ANGPT1: variants seen among roughly 807,000 people sequenced by gnomAD.
The protein encoded by ANGPT1 is angiopoietin 1, also known as angiopoietin-1.
Under a neutral mutation model 62.2 loss-of-function variants are expected in ANGPT1, and 17 were observed. The observed-to-expected ratio is 0.27, with a 90% CI of 0.19 to 0.41. The LOEUF is 0.41. Among genes scored for constraint, ANGPT1 ranks in the 10% least tolerant of loss-of-function variants. The pLI is 1.00. For synonymous variants in ANGPT1, 199 were observed against 198.9 expected, an observed-to-expected ratio of 1.00 and a Z score of 0.00; for missense variants, 478 against 594.9, an observed-to-expected ratio of 0.80 and a Z score of 2.04.
intron 3 of ANGPT1, among the ~76,000 whole-genome samples, chr8:107,325,824 G>A (rs73701088): frequency 3.4e-4 from 51 of 151,916 alleles, no homozygotes; most frequent in African/African-American, 1.2e-3. Context: ...GGACATATGC[G>A]CAGAGATAGC....
At chr8:107,348,241 T>C (rs1410878126) in intron 1 of ANGPT1, among the ~76,000 whole-genome samples, 1 of 152,218 alleles carries the variant, frequency 6.6e-6, no homozygotes, top group African/African-American at 2.4e-5. Flanking sequence ...TTAACAGCTA[T>C]GTGATTTTTA....
intron 1 of ANGPT1, among the ~76,000 whole-genome samples, 172 bp from the exon 2 acceptor site, chr8:107,347,269 T>C (rs1263390147): frequency 1.3e-5 from 2 of 152,172 alleles, no homozygotes; most frequent in Non-Finnish European, 1.5e-5. Flanking sequence ...AGGAATCCAG[T>C]TGTCAACAAA....
At chr8:107,309,317 C>T (rs1187746099) in intron 4 of ANGPT1, among the ~76,000 whole-genome samples, 2 of 152,116 alleles carry the variant, frequency 1.3e-5, no homozygotes, top group African/African-American at 2.4e-5. Context: ...TAGAAATTGA[C>T]CCTGAACCTG....
intron 6 of ANGPT1, among the ~76,000 whole-genome samples, chr8:107,292,416 A>C (rs943672948): frequency 6.6e-6 from 1 of 152,210 alleles, no homozygotes; most frequent in African/African-American, 2.4e-5. Context: ...TGAGTACATT[A>C]ATCTTTGTTA....
At chr8:107,313,918 A>C (rs1199423553) in intron 4 of ANGPT1, among the ~76,000 whole-genome samples, 3 of 152,062 alleles carry the variant, frequency 2.0e-5, no homozygotes, top group Non-Finnish European at 4.4e-5. Flanking sequence ...TCTTCACTCT[A>C]TAGTTGATAT....
Position 107,266,080 on chromosome 8 carries a change from T to C in ANGPT1, c.1206-1729A>G, listed in dbSNP as rs566165690. On this transcript the variant is annotated intron_variant, in intron 7 of 8. Coordinates refer to ENST00000517746, the MANE Select transcript of ANGPT1 (RefSeq NM_001146.5). ...TAATGTTGAATTATCACATACAAGC[T>C]TGTATTTTAAAACTCTGAGAGGCAG... Among the ~76,000 whole-genome samples, 47 of 152,304 alleles carry C rather than the reference T, an allele frequency of 3.1e-4. No individual in the cohort carries two copies. The South Asian group carries it at 8.7e-3, about 28-fold the overall frequency.
chr8:107,433,465 G>A (rs981037901), intron 1 of ANGPT1, among the ~76,000 whole-genome samples: 1 of 152,146 alleles, frequency 6.6e-6, no homozygotes, highest in African/African-American at 2.4e-5. Context: ...TATTAATAAA[G>A]AGACATTGAG....
intron 1 of ANGPT1, among the ~76,000 whole-genome samples, chr8:107,398,330 T>C (rs1437259949): frequency 6.6e-6 from 1 of 152,288 alleles, no homozygotes; most frequent in African/African-American, 2.4e-5. Flanking sequence ...GCAAGTCAAT[T>C]TGAAAAATGC....
chr8:107,304,812 A>T (rs1452833587), intron 4 of ANGPT1, among the ~76,000 whole-genome samples: 4 of 151,882 alleles, frequency 2.6e-5, no homozygotes, highest in Non-Finnish European at 5.9e-5. Context: ...TCAAGTCTGC[A>T]CTAATGGTTT....
At chr8:107,457,383 G>C (rs889656833) in intron 1 of ANGPT1, among the ~76,000 whole-genome samples, 4 of 151,968 alleles carry the variant, frequency 2.6e-5, no homozygotes, top group African/African-American at 7.2e-5. Flanking sequence ...TAAGGAATGA[G>C]ATAGTCAACC....
intron 1 of ANGPT1, among the ~76,000 whole-genome samples, chr8:107,368,430 A>G (rs1048577027): frequency 1.3e-5 from 2 of 151,556 alleles, no homozygotes; most frequent in African/African-American, 4.9e-5. Context: ...GGACCCTAGG[A>G]TTTTTGAGTT....
intron 1 of ANGPT1, among the ~76,000 whole-genome samples, chr8:107,429,393 C>T (rs1243636138): frequency 2.0e-5 from 3 of 152,146 alleles, no homozygotes; most frequent in Non-Finnish European, 4.4e-5. Flanking sequence ...CAACTGAAAA[C>T]TTCATCCTTA....
intron 4 of ANGPT1, among the ~76,000 whole-genome samples, chr8:107,313,444 T>TTTG (rs1814930406): frequency 7.8e-6 from 1 of 128,318 alleles, no homozygotes; most frequent in Non-Finnish European, 1.6e-5. Context: ...TTTTTTTTTT[T>TTTG]TTTTTTTTTT....
At chr8:107,379,440 G>A (rs1324905213) in intron 1 of ANGPT1, among the ~76,000 whole-genome samples, 3 of 152,110 alleles carry the variant, frequency 2.0e-5, no homozygotes, top group Non-Finnish European at 4.4e-5. Flanking sequence ...GCCTGAGATA[G>A]AGCAAGCATT....
intron 2 of ANGPT1, 81 bp downstream of exon 2, chr8:107,346,861 G>A: frequency 7.9e-7 from 1 of 1,266,220 alleles, no homozygotes; most frequent in Non-Finnish European, 1.1e-6. Flanking sequence ...GTGCTGAAAT[G>A]TGCTCTGTGT....
chr8:107,428,261 C>G (rs547199114), intron 1 of ANGPT1, among the ~76,000 whole-genome samples: 1 of 152,210 alleles, frequency 6.6e-6, no homozygotes, highest in Non-Finnish European at 1.5e-5. Context: ...TCTCAGTATA[C>G]ATGAATTCAG....
chr8:107,496,067 A>G (rs1813086737), intron 1 of ANGPT1, among the ~76,000 whole-genome samples: 1 of 152,238 alleles, frequency 6.6e-6, no homozygotes, highest in Non-Finnish European at 1.5e-5. Context: ...GTGTGACCAC[A>G]CAGGAACAAA....
intron 6 of ANGPT1, among the ~76,000 whole-genome samples, chr8:107,290,474 T>C (rs1466918462): frequency 6.6e-6 from 1 of 152,098 alleles, no homozygotes; most frequent in East Asian, 1.9e-4. Context: ...GAAATAGAAG[T>C]AGGTGTGATT....
chr8:107,275,187 A>C (rs1813834636), intron 7 of ANGPT1, among the ~76,000 whole-genome samples: 1 of 152,092 alleles, frequency 6.6e-6, no homozygotes, highest in Admixed American at 6.6e-5. Context: ...AGTGTGAAAA[A>C]ATTGATGTGA....
Sources: allele counts gnomAD v4.1 joint callset (sites outside exome capture counted in the v4.1 genomes callset), GRCh38; gene constraint gnomAD v4.1.1; transcripts MANE v1.5; gene names NCBI Gene and HGNC (gene_info 2026-07-23, HGNC 2026-07-21).